Variants in ADGRL3 observed in about 807,000 individuals in gnomAD.
The protein encoded by ADGRL3 is calcium-independent alpha-latrotoxin receptor 3.
ADGRL3 carries 62 observed loss-of-function variants against 153.5 expected under a neutral mutation model. That is an observed-to-expected ratio of 0.40 (90% CI 0.33 to 0.50). The LOEUF (loss-of-function observed/expected upper bound fraction) is 0.50, where lower values mean the gene tolerates loss of function less well. Ranked by LOEUF, ADGRL3 falls within the 20% of genes least tolerant of loss-of-function variation. The probability of loss-of-function intolerance (pLI) is 0.47; values close to 1 mark genes in which losing one functional copy is unlikely to be tolerated. For synonymous variants in ADGRL3, 710 were observed against 672.5 expected (o/e 1.06, Z -0.86); for missense variants, 1,641 against 1,859.4 (o/e 0.88, Z 2.16).
intron 6 of ADGRL3, among the ~76,000 whole-genome samples, chr4:61,681,425 T>C (rs1481185116): frequency 2.0e-5 from 3 of 152,104 alleles, no homozygotes; most frequent in Admixed American, 6.6e-5. Context: ...ATATTACTTA[T>C]TCTAGCAATC....
chr4:61,859,364 AT>A (rs1318485364), intron 9 of ADGRL3, among the ~76,000 whole-genome samples: 1 of 152,216 alleles, frequency 6.6e-6, no homozygotes, highest in Admixed American at 6.5e-5. Flanking sequence ...TCAAGTAATA[AT>A]AAAAATATCT....
At chr4:61,206,530 T>C (rs1737266802) in intron 1 of ADGRL3, among the ~76,000 whole-genome samples, 1 of 152,236 alleles carries the variant, frequency 6.6e-6, no homozygotes, top group African/African-American at 2.4e-5. Flanking sequence ...TCATATTCTT[T>C]AACACGTGTT....
intron 2 of ADGRL3, among the ~76,000 whole-genome samples, chr4:61,490,802 A>G (rs532849287): frequency 3.8e-4 from 58 of 152,084 alleles, no homozygotes; most frequent in Non-Finnish European, 7.9e-4. Context: ...TAATGGGAGG[A>G]CCCAAACTAA....
At chr4:62,054,616 A>C (rs983053465) in intron 25 of ADGRL3, among the ~76,000 whole-genome samples, 2 of 151,638 alleles carry the variant, frequency 1.3e-5, no homozygotes, top group Admixed American at 1.3e-4. Context: ...AAAACAAAAT[A>C]ATAATGATCA....
intron 8 of ADGRL3, among the ~76,000 whole-genome samples, chr4:61,787,415 A>C (rs1016504414): frequency 6.6e-6 from 1 of 152,010 alleles, no homozygotes; most frequent in South Asian, 2.1e-4. Flanking sequence ...GGAATGACTA[A>C]TTTTTTTGCT....
At chr4:61,631,058 G>T (rs891303387) in intron 5 of ADGRL3, among the ~76,000 whole-genome samples, 15 of 152,192 alleles carry the variant, frequency 9.9e-5, no homozygotes, top group Admixed American at 7.9e-4. Flanking sequence ...CATCTCCTGG[G>T]CTAAAAATTG....
intron 6 of ADGRL3, among the ~76,000 whole-genome samples, chr4:61,715,561 T>G (rs193252632): frequency 2.0e-5 from 3 of 152,300 alleles, no homozygotes; most frequent in African/African-American, 7.2e-5. Flanking sequence ...GAAAGCAAGA[T>G]GTTTATTCAC....
chr4:61,961,744 T>C (rs2098988621), intron 17 of ADGRL3, among the ~76,000 whole-genome samples: 1 of 152,184 alleles, frequency 6.6e-6, no homozygotes, highest in Non-Finnish European at 1.5e-5. Context: ...TGACACCAAC[T>C]TGTGGTATAT....
chr4:61,586,996 GA>G (rs900421958), intron 4 of ADGRL3, among the ~76,000 whole-genome samples: 5 of 151,602 alleles, frequency 3.3e-5, no homozygotes, highest in African/African-American at 9.7e-5. Flanking sequence ...TCATTTATAA[GA>G]AAAAAAGTGT....
At chr4:61,260,365 C>T (rs868228936) in intron 1 of ADGRL3, among the ~76,000 whole-genome samples, 1 of 152,094 alleles carries the variant, frequency 6.6e-6, no homozygotes, top group Non-Finnish European at 1.5e-5. Context: ...TGAGCATCGC[C>T]GGATTCCCGT....
intron 2 of ADGRL3, among the ~76,000 whole-genome samples, chr4:61,414,200 G>A (rs903765272): frequency 6.6e-6 from 1 of 152,052 alleles, no homozygotes; most frequent in African/African-American, 2.4e-5. Flanking sequence ...TGGCAGCCTA[G>A]GACTAACTTA....
At chr4:62,014,438 T>C (rs1239853813) in intron 21 of ADGRL3, among the ~76,000 whole-genome samples, 1 of 152,158 alleles carries the variant, frequency 6.6e-6, no homozygotes, top group Non-Finnish European at 1.5e-5. Flanking sequence ...AATTAGTTGG[T>C]CTAGGAAGTA....
chr4:61,472,153 G>A (rs138398611), intron 2 of ADGRL3, among the ~76,000 whole-genome samples: 56 of 152,154 alleles, frequency 3.7e-4, no homozygotes, highest in African/African-American at 1.1e-3. Flanking sequence ...TGATGCTGTG[G>A]GAAGAATGAA....
At chr4:61,870,071 A>G (rs1308115806) in intron 9 of ADGRL3, among the ~76,000 whole-genome samples, 1 of 151,560 alleles carries the variant, frequency 6.6e-6, no homozygotes, top group Non-Finnish European at 1.5e-5. Context: ...CGTAATTCCT[A>G]TTGTTGGGAC....
chr4:61,461,325 A>G (rs2097813965), intron 2 of ADGRL3, among the ~76,000 whole-genome samples: 3 of 152,174 alleles, frequency 2.0e-5, no homozygotes. Context: ...GGTGACTTTA[A>G]TCAGCTTTAT....
chr4:61,495,687 A>G (rs189830391), intron 2 of ADGRL3, among the ~76,000 whole-genome samples: 4 of 152,258 alleles, frequency 2.6e-5, no homozygotes, highest in Admixed American at 2.6e-4. Flanking sequence ...AGAGGAGGCA[A>G]CTACACTAGT....
intron 3 of ADGRL3, among the ~76,000 whole-genome samples, chr4:61,500,372 G>T (rs1265754107): frequency 6.6e-6 from 1 of 152,100 alleles, no homozygotes; most frequent in African/African-American, 2.4e-5. Context: ...TCTGACTTGT[G>T]AATGAAGGGC....
intron 5 of ADGRL3, among the ~76,000 whole-genome samples, chr4:61,645,514 G>T (rs1443275773): frequency 6.6e-6 from 1 of 151,798 alleles, no homozygotes; most frequent in Non-Finnish European, 1.5e-5. Flanking sequence ...TTGCTTATCT[G>T]TAAAGTATTT....
At position 61,925,068 on chromosome 4, in the gene ADGRL3, T is replaced by G. The variant is rs567629009; in HGVS notation, c.2113-9772T>G. Among the ~76,000 whole-genome samples, 7 of 152,340 alleles carry G rather than the reference T, an allele frequency of 4.6e-5. No individual in the cohort carries two copies. The East Asian group carries it at 1.2e-3, about 25-fold the overall frequency. ...AATGTCCCGCTTTGAAGTAATGATA[T>G]ACAATTGTACTGATTGCCCCTCAAA... is the stretch of plus-strand genomic sequence containing the variant. On this transcript the variant is annotated intron_variant, in intron 13 of 26. Transcript: ENST00000683033.
Sources: allele counts gnomAD v4.1 joint callset (sites outside exome capture counted in the v4.1 genomes callset), GRCh38; gene constraint gnomAD v4.1.1; transcripts MANE v1.5; gene names NCBI Gene and HGNC (gene_info 2026-07-23, HGNC 2026-07-21).